Variants in WDR70 observed in about 807,000 individuals in gnomAD.
The protein encoded by WDR70 is WD repeat domain 70.
Under a neutral mutation model 88.6 loss-of-function variants are expected in WDR70, and 53 were observed. The observed-to-expected ratio is 0.60, with a 90% CI of 0.48 to 0.75. The LOEUF is 0.75. WDR70 is among the 30% of genes least tolerant of loss of function. WDR70 has a pLI of 0.00. For missense variants in WDR70, 610 were observed against 823.2 expected (o/e 0.74, Z 3.17); for synonymous variants, 280 against 270.0 (o/e 1.04, Z -0.36).
rs1554010662 is a variant in WDR70, at chr5:37,673,583, A to AGCCC, written c.1093-24072_1093-24071insGCCC. Among the ~76,000 whole-genome samples the AGCCC allele has an allele frequency of 2.9e-4, 22 of 76,238 alleles. 1 individual carries two copies. Among genetic ancestry groups the AGCCC allele is most frequent in the African/African-American group, 9.2e-4 (17 of 18,478 alleles). 50.0% of individuals were successfully genotyped at this position (76,238 alleles called of 152,430 possible). On this transcript the variant is annotated intron_variant, in intron 10 of 17. Transcript: ENST00000265107. ...CGCCTGCTATTTTTTGACTTTTCTTACCCCCCCCCCACCCTTTTTTTTTCT... is the reference window on the plus strand; with the variant it reads ...CGCCTGCTATTTTTTGACTTTTCTTAGCCCCCCCCCCCCCACCCTTTTTTTTTCT...
chr5:37,623,565 A>G (rs1042610803), intron 10 of WDR70, among the ~76,000 whole-genome samples: 1 of 152,194 alleles, frequency 6.6e-6, no homozygotes, highest in Non-Finnish European at 1.5e-5. Flanking sequence ...GGTTTAAATT[A>G]TTTGGAACTT....
At position 37,381,617 on chromosome 5, in the gene WDR70, C is replaced by T. The variant is rs1748426889; in HGVS notation, c.107C>T (p.Thr36Ile). The change falls in exon 3 of 18, where the codon ACA becomes ATA. Residue 36 changes from threonine to isoleucine, a missense_variant. Around this residue, in one of 4 missense-constraint regions of WDR70, gnomAD observed 203 missense variants for 228.1 expected, o/e 0.89. Coordinates refer to ENST00000265107, the MANE Select transcript of WDR70 (RefSeq NM_018034.4). ...CATGTTTTAGGTAAAAAAGCTCGCA[C>T]ATTTGACTTGGAAGCAATGTTTGAA... ...GFTGFGKKAR[T>I]FDLEAMFEQT... The T allele has an allele frequency of 6.2e-7, 1 of 1,611,310 alleles. No individual in the cohort carries two copies. The highest frequency in any genetic ancestry group is 1.1e-5 in the South Asian group (1 of 91,038).
intron 9 of WDR70, among the ~76,000 whole-genome samples, chr5:37,533,936 C>T (rs891816409): frequency 6.6e-6 from 1 of 152,124 alleles, no homozygotes; most frequent in East Asian, 1.9e-4. Flanking sequence ...GACCGTGAAC[C>T]TCCCTGTTGA....
chr5:37,700,366 G>C (rs895835393), intron 11 of WDR70: 7 of 152,246 alleles, frequency 4.6e-5, no homozygotes, highest in Non-Finnish European at 8.8e-5. Context: ...TGCATGTCAT[G>C]CTTGTGCAGG....
At chr5:37,750,365 T>G (rs538045567) in intron 17 of WDR70, among the ~76,000 whole-genome samples, 37 of 152,180 alleles carry the variant, frequency 2.4e-4, no homozygotes, top group African/African-American at 7.7e-4. Context: ...CAAGACCATG[T>G]CTCTGCAAAA....
At chr5:37,501,248 A>G (rs1454938273) in intron 8 of WDR70, among the ~76,000 whole-genome samples, 1 of 152,112 alleles carries the variant, frequency 6.6e-6, no homozygotes, top group African/African-American at 2.4e-5. Flanking sequence ...GTTGTGCAGA[A>G]GCTTTTAAGT....
chr5:37,477,027 T>G (rs1381716816), intron 7 of WDR70, among the ~76,000 whole-genome samples: 1 of 152,234 alleles, frequency 6.6e-6, no homozygotes, highest in Non-Finnish European at 1.5e-5. Flanking sequence ...TTCAAACCTT[T>G]GTTGTTCAAG....
chr5:37,701,202 C>T (rs1436870907), intron 12 of WDR70, 60 bp downstream of exon 12: 6 of 1,077,088 alleles, frequency 5.6e-6, no homozygotes, highest in Non-Finnish European at 7.0e-6. Flanking sequence ...AGTACTTTTA[C>T]TTTAATGTTA....
At position 37,476,098 on chromosome 5, in the gene WDR70, A is replaced by T. The variant is rs552808552; in HGVS notation, c.687-3736A>T. Among the ~76,000 whole-genome samples the T allele has an allele frequency of 4.6e-5, 7 of 151,444 alleles. No homozygotes were observed. In the East Asian group the frequency reaches 1.4e-3, roughly 30 times the overall value. On this transcript the variant is annotated intron_variant, in intron 7 of 17. Coordinates refer to ENST00000265107, the MANE Select transcript of WDR70 (RefSeq NM_018034.4). Reference sequence around the variant, plus strand: ...ATTCCCAATCTCAGGTGATCCACCCACCTCAGCCTCCCAAAGTGCTGGGAT... The same window carrying T: ...ATTCCCAATCTCAGGTGATCCACCCTCCTCAGCCTCCCAAAGTGCTGGGAT...
intron 17 of WDR70, among the ~76,000 whole-genome samples, chr5:37,729,111 C>G (rs1748067430): frequency 6.6e-6 from 1 of 152,134 alleles, no homozygotes; most frequent in Non-Finnish European, 1.5e-5. Flanking sequence ...GCATCTTTCT[C>G]AAGCGCCTAT....
intron 7 of WDR70, among the ~76,000 whole-genome samples, chr5:37,469,382 C>T (rs368215747): frequency 7.9e-5 from 12 of 152,220 alleles, no homozygotes; most frequent in South Asian, 4.1e-4. Context: ...GTGTTTTGGA[C>T]GATTGGTGAT....
chr5:37,432,463 A>G (rs1750335529), intron 5 of WDR70, among the ~76,000 whole-genome samples: 1 of 152,168 alleles, frequency 6.6e-6, no homozygotes, highest in Admixed American at 6.5e-5. Flanking sequence ...ATCTCGGCTC[A>G]CTGCAACCTC....
At chr5:37,499,676 C>T (rs569561638) in intron 8 of WDR70, among the ~76,000 whole-genome samples, 5 of 150,086 alleles carry the variant, frequency 3.3e-5, no homozygotes, top group South Asian at 4.3e-4. Context: ...AACGATCCTC[C>T]CACCTCAGCT....
intron 13 of WDR70, among the ~76,000 whole-genome samples, chr5:37,711,996 T>C (rs1381117905): frequency 2.6e-4 from 39 of 147,248 alleles, no homozygotes; most frequent in African/African-American, 9.2e-4. Flanking sequence ...TCTTTTTTTT[T>C]TTTTTTTTTT....
At chr5:37,573,571 C>T (rs1671663386) in intron 9 of WDR70, among the ~76,000 whole-genome samples, 1 of 146,270 alleles carries the variant, frequency 6.8e-6, no homozygotes, top group Non-Finnish European at 1.5e-5. Flanking sequence ...TGATGTGCCC[C>T]TTCCTGTGTC....
chr5:37,699,713 C>T (rs112141633), intron 11 of WDR70, among the ~76,000 whole-genome samples: 10,885 of 151,760 alleles, frequency 0.072, 1,257 homozygotes, highest in African/African-American at 0.24. Context: ...TTTGGGAGGC[C>T]GAGGCAGGTG....
chr5:37,488,639 A>C (rs1298303160), intron 8 of WDR70, among the ~76,000 whole-genome samples: 1 of 150,894 alleles, frequency 6.6e-6, no homozygotes, highest in Non-Finnish European at 1.5e-5. Context: ...TTATTCTAAG[A>C]TTTTGTTTTT....
chr5:37,453,545 C>T (rs1738741137), intron 7 of WDR70, among the ~76,000 whole-genome samples: 1 of 152,228 alleles, frequency 6.6e-6, no homozygotes, highest in Non-Finnish European at 1.5e-5. Flanking sequence ...TGCCCTCATT[C>T]CGGTAAACCC....
Position 37,702,985 on chromosome 5 carries a change from A to G in WDR70, c.1314A>G (p.Ile438Met), listed in dbSNP as rs771436366. The G allele has an allele frequency of 5.0e-6, 8 of 1,613,486 alleles. No homozygotes were observed. The highest frequency in any genetic ancestry group is 1.7e-5 in the Admixed American group (1 of 59,994). The change falls in exon 13 of 18, where the codon ATA becomes ATG. Residue 438 changes from isoleucine (I) to methionine (M), a missense_variant. Coordinates refer to ENST00000265107, the MANE Select transcript of WDR70 (RefSeq NM_018034.4). ...GTTTCAGTCCAGATGATAAGCTCATAGTCACTGGTACATCTATTCAAAGAG... is the reference window on the plus strand; with the variant it reads ...GTTTCAGTCCAGATGATAAGCTCATGGTCACTGGTACATCTATTCAAAGAG... ...DCCFSPDDKL[I>M]VTGTSIQRGC...
Sources: gnomAD v4.1 joint callset for allele counts (sites outside exome capture counted in the v4.1 genomes callset) on GRCh38, gnomAD v4.1.1 for gene constraint, gnomAD v4.1.1 regional missense constraint, MANE v1.5 for transcripts, NCBI Gene and HGNC (gene_info 2026-07-23, HGNC 2026-07-21) for gene names.